Variants in TMEM132C observed in about 807,000 individuals in gnomAD.
TMEM132C encodes the protein protein phosphatase 1, regulatory subunit 152.
In TMEM132C, 29 loss-of-function variants were observed where a neutral mutation model predicts 61.4. The observed-to-expected ratio is 0.47, with a 90% CI of 0.35 to 0.64. The LOEUF is 0.64. TMEM132C is among the 30% of genes least tolerant of loss of function. TMEM132C has a pLI of 0.00. For missense variants in TMEM132C, 1,408 were observed against 1,476.9 expected (o/e 0.95, Z 0.76); for synonymous variants, 656 against 633.1 (o/e 1.04, Z -0.54).
At chr12:128,291,250 G>A (rs1029778586) in intron 1 of TMEM132C, among the ~76,000 whole-genome samples, 2 of 152,196 alleles carry the variant, frequency 1.3e-5, no homozygotes, top group African/African-American at 4.8e-5. Context: ...CAGGAGTCAT[G>A]ACACAAATGA....
At chr12:128,307,938 TG>T (rs1871838748) in intron 1 of TMEM132C, among the ~76,000 whole-genome samples, 1 of 152,120 alleles carries the variant, frequency 6.6e-6, no homozygotes, top group Non-Finnish European at 1.5e-5. Flanking sequence ...TCCCTTAGGG[TG>T]GGATTCCTTC....
At chr12:128,509,756 G>A (rs2136117053) in intron 2 of TMEM132C, among the ~76,000 whole-genome samples, 1 of 152,284 alleles carries the variant, frequency 6.6e-6, no homozygotes, top group Admixed American at 6.5e-5. Flanking sequence ...GAGGGAACAA[G>A]TCCAGGTCGG....
intron 1 of TMEM132C, among the ~76,000 whole-genome samples, chr12:128,367,754 A>T (rs1873912582): frequency 6.6e-6 from 1 of 152,184 alleles, no homozygotes. Flanking sequence ...AAAAAAAAAA[A>T]TCACATGAAT....
intron 1 of TMEM132C, among the ~76,000 whole-genome samples, chr12:128,409,867 A>G (rs1181348782): frequency 1.3e-5 from 2 of 152,182 alleles, no homozygotes; most frequent in African/African-American, 4.8e-5. Flanking sequence ...TTAATAATGA[A>G]CACTTTCTCC....
At chr12:128,623,596 C>T in intron 4 of TMEM132C, among the ~76,000 whole-genome samples, 1 of 151,832 alleles carries the variant, frequency 6.6e-6, no homozygotes, top group East Asian at 1.9e-4. Context: ...TGCCTGAGCT[C>T]AGGAGTTCGA....
At chr12:128,663,968 A>T (rs1954426013) in intron 4 of TMEM132C, among the ~76,000 whole-genome samples, 1 of 129,974 alleles carries the variant, frequency 7.7e-6, no homozygotes, top group African/African-American at 2.8e-5. Flanking sequence ...ATACAGGCAC[A>T]TGCACCCACA....
At chr12:128,580,997 G>A (rs1380215947) in intron 3 of TMEM132C, among the ~76,000 whole-genome samples, 1 of 152,092 alleles carries the variant, frequency 6.6e-6, no homozygotes, top group African/African-American at 2.4e-5. Flanking sequence ...CCTGCGGGGG[G>A]AAAAATTGCC....
intron 4 of TMEM132C, among the ~76,000 whole-genome samples, chr12:128,649,924 T>C (rs1954251243): frequency 6.6e-6 from 1 of 152,228 alleles, no homozygotes; most frequent in South Asian, 2.1e-4. Context: ...TACCCCAGCT[T>C]GCACTATGAA....
At chr12:128,603,311 T>A (rs2220485) in intron 3 of TMEM132C, among the ~76,000 whole-genome samples, 2 of 152,156 alleles carry the variant, frequency 1.3e-5, no homozygotes, top group African/African-American at 4.8e-5. Flanking sequence ...CAGAGTCCCC[T>A]TGCAGAGGGG....
rs1025514997 is a variant in TMEM132C at position 128,267,242 on chromosome 12, G to A, written c.-161G>A. On this transcript the variant is annotated 5_prime_UTR_variant, in exon 1 of 9. Transcript: ENST00000435159. ...CCAGAGCCAGAGCCGGAGCTGCGGC[G>A]GCGTGGACCCGGCAGGGGCGGGCCT... Among the ~76,000 whole-genome samples, 22 of 147,280 alleles carry A rather than the reference G, an allele frequency of 1.5e-4. No individual in the cohort carries two copies. Among genetic ancestry groups the A allele is most frequent in the African/African-American group, 5.1e-4 (21 of 41,090 alleles).
chr12:128,373,160 T>C (rs1175420577), intron 1 of TMEM132C, among the ~76,000 whole-genome samples: 1 of 152,186 alleles, frequency 6.6e-6, no homozygotes, highest in Non-Finnish European at 1.5e-5. Context: ...ACATTCTTTC[T>C]ATCTCTCTGC....
At chr12:128,645,160 G>A (rs1340418118) in intron 4 of TMEM132C, among the ~76,000 whole-genome samples, 1 of 152,126 alleles carries the variant, frequency 6.6e-6, no homozygotes, top group East Asian at 1.9e-4. Context: ...ACTAGATGTG[G>A]TTGTGCCCAA....
chr12:128,337,996 C>T (rs1872834625), intron 1 of TMEM132C, among the ~76,000 whole-genome samples: 1 of 152,194 alleles, frequency 6.6e-6, no homozygotes, highest in South Asian at 2.1e-4. Context: ...GAAACAGGAA[C>T]CAGGGAAAGA....
chr12:128,413,319 A>AAAAAAAAAAAAAAAAAAAAAAAAAAC, intron 1 of TMEM132C, among the ~76,000 whole-genome samples: 1 of 150,836 alleles, frequency 6.6e-6, no homozygotes, highest in Non-Finnish European at 1.5e-5. Flanking sequence ...AAAAAAAAAA[A>AAAAAAAAAAAAAAAAAAAAAAAAAAC]AACCAATGTT....
chr12:128,682,709 C>T lies in TMEM132C; in HGVS notation c.1450-11120C>T, dbSNP rs1017954736. Among the ~76,000 whole-genome samples, 4 of 152,222 alleles carry T rather than the reference C, an allele frequency of 2.6e-5. No individual in the cohort carries two copies. The East Asian group carries it at 5.8e-4, about 22-fold the overall frequency. ...GCCCCAGGTGGGAGTGGTGTGCACA[C>T]ACTCTGTCACAGTTTTCCAGAGCTG... On this transcript the variant is annotated intron_variant, in intron 5 of 8. Coordinates refer to ENST00000435159, the MANE Select transcript of TMEM132C (RefSeq NM_001136103.3).
intron 1 of TMEM132C, among the ~76,000 whole-genome samples, chr12:128,333,922 G>T (rs1255644551): frequency 4.0e-5 from 6 of 150,968 alleles, no homozygotes; most frequent in Non-Finnish European, 8.9e-5. Flanking sequence ...AGAGTTTGTT[G>T]TGTGTGTATG....
chr12:128,687,504 A>G (rs897374292), intron 5 of TMEM132C, among the ~76,000 whole-genome samples: 7 of 152,254 alleles, frequency 4.6e-5, no homozygotes, highest in African/African-American at 1.7e-4. Flanking sequence ...GAGCTGAAGG[A>G]CATGAAGAAC....
intron 3 of TMEM132C, among the ~76,000 whole-genome samples, chr12:128,548,038 C>G (rs1593095873): frequency 6.6e-6 from 1 of 152,210 alleles, no homozygotes; most frequent in Admixed American, 6.5e-5. Flanking sequence ...CCTTCTACAT[C>G]AGGAGATGAT....
chr12:128,643,948 C>G (rs1402417589), intron 4 of TMEM132C, among the ~76,000 whole-genome samples: 1 of 151,852 alleles, frequency 6.6e-6, no homozygotes, highest in Non-Finnish European at 1.5e-5. Context: ...GGATTTGAGC[C>G]CAAACCTACA....
Sources: allele counts gnomAD v4.1 joint callset (sites outside exome capture counted in the v4.1 genomes callset), GRCh38; gene constraint gnomAD v4.1.1; transcripts MANE v1.5; gene names NCBI Gene and HGNC (gene_info 2026-07-23, HGNC 2026-07-21).